Variants in CTTNBP2NL observed in about 807,000 individuals in gnomAD.
The protein encoded by CTTNBP2NL is CTTNBP2 N-terminal-like protein.
CTTNBP2NL carries 16 observed loss-of-function variants against 32.5 expected under a neutral mutation model. The ratio of observed to expected loss-of-function variants is 0.49; its 90% CI spans 0.33 to 0.75. CTTNBP2NL has a LOEUF of 0.75. Ranked by LOEUF, CTTNBP2NL falls within the 30% of genes least tolerant of loss-of-function variation. CTTNBP2NL has a pLI of 0.02. For missense variants in CTTNBP2NL, 645 were observed against 756.0 expected (o/e 0.85, Z 1.72); for synonymous variants, 298 against 289.4 (o/e 1.03, Z -0.30).
intron 3 of CTTNBP2NL, among the ~76,000 whole-genome samples, chr1:112,425,956 CGTGTGT>C (rs376135147): frequency 0.034 from 4,107 of 119,696 alleles, 90 homozygotes; most frequent in East Asian, 0.088. Flanking sequence ...ATCTGGATGC[CGTGTGT>C]GTGTGTGTGT....
chr1:112,446,487 ATGT>A (rs915455398), intron 3 of CTTNBP2NL, among the ~76,000 whole-genome samples: 2 of 152,226 alleles, frequency 1.3e-5, no homozygotes, highest in African/African-American at 4.8e-5. Context: ...GATGAGTCCC[ATGT>A]TGTTTGGCAC....
At chr1:112,451,514 G>A (rs1225465265) in intron 4 of CTTNBP2NL, among the ~76,000 whole-genome samples, 4 of 151,464 alleles carry the variant, frequency 2.6e-5, no homozygotes, top group African/African-American at 7.3e-5. Context: ...ACTCATGCCT[G>A]TAATCCCAGC....
Position 112,457,112 on chromosome 1 carries a change from C to T in CTTNBP2NL, c.1620C>T (p.Ala540=). The T allele has an allele frequency of 1.2e-6, 2 of 1,614,170 alleles. No individual in the cohort carries two copies. The highest frequency in any genetic ancestry group is 1.7e-6 in the Non-Finnish European group (2 of 1,180,030). The change falls in exon 6 of 6, where the codon GCC becomes GCT. Residue 540 remains alanine, a synonymous_variant. Transcript: ENST00000271277. ...ACTATCGAAATCTAGCCAACACTGC[C>T]AATCCAAGAGGTGACACAAGCCATT... ...GTDYRNLANT[A]NPRGDTSHSP...
At chr1:112,411,572 A>G (rs1185369585) in intron 1 of CTTNBP2NL, among the ~76,000 whole-genome samples, 1 of 152,206 alleles carries the variant, frequency 6.6e-6, no homozygotes, top group Non-Finnish European at 1.5e-5. Flanking sequence ...CTTTATAGAC[A>G]AAGTCGAGAT....
chr1:112,444,935 G>A (rs1054112809), intron 3 of CTTNBP2NL, among the ~76,000 whole-genome samples: 7 of 152,112 alleles, frequency 4.6e-5, no homozygotes, highest in Non-Finnish European at 7.3e-5. Context: ...ACCAGAGTTG[G>A]TCTGTGTGAC....
Position 112,456,896 on chromosome 1 carries a change from C to T in CTTNBP2NL, c.1404C>T (p.Ser468=). 1 of 1,614,088 alleles carries T rather than the reference C, an allele frequency of 6.2e-7. No individual in the cohort carries two copies. The highest frequency in any genetic ancestry group is 2.2e-5 in the East Asian group (1 of 44,876). The part of the protein sequence containing the change: ...RFHAARHKFQ[S]QADQDQQASG... ...ATGCAGCTCGCCACAAATTTCAGTC[C>T]CAAGCAGATCAGGACCAACAAGCCA... The change falls in exon 6 of 6, where the codon TCC becomes TCT. Residue 468 remains serine (S), a synonymous_variant. Coordinates refer to ENST00000271277, the MANE Select transcript of CTTNBP2NL (RefSeq NM_018704.3).
At chr1:112,396,453 C>T (rs944977755) in intron 1 of CTTNBP2NL, 181 bp downstream of exon 1, 2 of 152,300 alleles carry the variant, frequency 1.3e-5, no homozygotes, top group African/African-American at 2.4e-5. Flanking sequence ...GGCTCCTCAT[C>T]CTCCGAGGGT....
intron 3 of CTTNBP2NL, among the ~76,000 whole-genome samples, chr1:112,442,311 CAG>C (rs1649919640): frequency 1.3e-5 from 2 of 152,148 alleles, no homozygotes; most frequent in African/African-American, 4.8e-5. Context: ...TTAGTAGAAA[CAG>C]AGTTTCACCA....
intron 4 of CTTNBP2NL, among the ~76,000 whole-genome samples, chr1:112,452,425 A>G (rs985580596): frequency 1.4e-5 from 2 of 142,248 alleles, no homozygotes; most frequent in Admixed American, 1.4e-4. Context: ...GCTCACCACA[A>G]CCTCTGCCTA....
chr1:112,422,465 C>T (rs1165835814), intron 3 of CTTNBP2NL, among the ~76,000 whole-genome samples: 2 of 152,086 alleles, frequency 1.3e-5, no homozygotes, highest in Admixed American at 6.6e-5. Context: ...ATGTACAAGG[C>T]TTTGTGTGGA....
chr1:112,393,513 C>A (rs1193461353), upstream of CTTNBP2NL, among the ~76,000 whole-genome samples: 1 of 151,994 alleles, frequency 6.6e-6, no homozygotes, highest in Non-Finnish European at 1.5e-5. Flanking sequence ...TTGTTATGAA[C>A]CATTTTTTAC....
chr1:112,428,451 A>T (rs911369041), intron 3 of CTTNBP2NL, among the ~76,000 whole-genome samples: 2 of 152,156 alleles, frequency 1.3e-5, no homozygotes, highest in Non-Finnish European at 1.5e-5. Context: ...AGTTAATATT[A>T]TTTCTTTCCA....
intron 1 of CTTNBP2NL, among the ~76,000 whole-genome samples, chr1:112,398,854 G>C (rs1648408836): frequency 6.7e-6 from 1 of 149,566 alleles, no homozygotes; most frequent in African/African-American, 2.4e-5. Context: ...AAATATATAT[G>C]TAATCTGCTA....
At chr1:112,429,142 ATT>A (rs1214132334) in intron 3 of CTTNBP2NL, among the ~76,000 whole-genome samples, 1 of 152,142 alleles carries the variant, frequency 6.6e-6, no homozygotes, top group African/African-American at 2.4e-5. Context: ...TGAAGTTGAT[ATT>A]TTACATGCAG....
intron 1 of CTTNBP2NL, among the ~76,000 whole-genome samples, chr1:112,400,967 A>G: frequency 2.3e-5 from 1 of 43,452 alleles, no homozygotes; most frequent in South Asian, 4.7e-4. Flanking sequence ...CTCTGTCACC[A>G]AAAAAAAAAA....
At chr1:112,417,735 A>C (rs1649106182) in intron 3 of CTTNBP2NL, among the ~76,000 whole-genome samples, 1 of 152,178 alleles carries the variant, frequency 6.6e-6, no homozygotes, top group African/African-American at 2.4e-5. Context: ...TGTTAGATAA[A>C]ATAGGGGGCA....
intron 3 of CTTNBP2NL, among the ~76,000 whole-genome samples, chr1:112,434,164 G>A (rs1283552645): frequency 6.6e-6 from 1 of 152,154 alleles, no homozygotes; most frequent in Non-Finnish European, 1.5e-5. Flanking sequence ...TCCTCAGTGG[G>A]TGATTTCATC....
chr1:112,456,641 A>G lies in CTTNBP2NL; in HGVS notation c.1149A>G (p.Gln383=), dbSNP rs563799674. Residue 383 remains glutamine, a synonymous_variant, in exon 6 of 6, where the codon CAA becomes CAG. Coordinates refer to ENST00000271277, the MANE Select transcript of CTTNBP2NL (RefSeq NM_018704.3). ...PPREKSVALA[Q]EKPVENGGCP... ...GGGAAAAATCTGTGGCATTGGCCCAAGAGAAACCAGTGGAGAATGGTGGGT... is the reference window on the plus strand; with the variant it reads ...GGGAAAAATCTGTGGCATTGGCCCAGGAGAAACCAGTGGAGAATGGTGGGT... The G allele has an allele frequency of 1.4e-4, 228 of 1,614,180 alleles. No homozygotes were observed. The South Asian group carries it at 2.4e-3, about 17-fold the overall frequency.
intron 2 of CTTNBP2NL, among the ~76,000 whole-genome samples, chr1:112,412,711 G>C (rs1464461147): frequency 2.1e-5 from 3 of 143,746 alleles, no homozygotes; most frequent in African/African-American, 7.8e-5. Flanking sequence ...CCACCTCCCA[G>C]GTTCAAGCGA....
Sources: gnomAD v4.1 joint callset for allele counts (sites outside exome capture counted in the v4.1 genomes callset) on GRCh38, gnomAD v4.1.1 for gene constraint, MANE v1.5 for transcripts, NCBI Gene and HGNC (gene_info 2026-07-23, HGNC 2026-07-21) for gene names.